FBXW11: variants seen among roughly 807,000 people sequenced by gnomAD.
The protein encoded by FBXW11 is F-box and WD repeat domain containing 11.
FBXW11 carries 19 observed loss-of-function variants against 77.6 expected under a neutral mutation model. The ratio of observed to expected loss-of-function variants is 0.24; its 90% CI spans 0.17 to 0.36. The LOEUF is 0.36. FBXW11 is among the 10% of genes least tolerant of loss of function. FBXW11 has a pLI of 1.00. For missense variants in FBXW11, 334 were observed against 704.2 expected (o/e 0.47, Z 5.95); for synonymous variants, 235 against 249.4 (o/e 0.94, Z 0.54).
intron 1 of FBXW11, among the ~76,000 whole-genome samples, chr5:171,985,005 A>T (rs540498908): frequency 1.5e-4 from 23 of 152,354 alleles, no homozygotes; most frequent in African/African-American, 5.5e-4. Flanking sequence ...TTTCAGAAAC[A>T]GGACTCTCTT....
intron 1 of FBXW11, chr5:171,977,605 T>C (rs1171638912): frequency 2.2e-6 from 1 of 451,200 alleles, no homozygotes; most frequent in African/African-American, 2.0e-5. Flanking sequence ...ACTGGGCAAG[T>C]TACAAAAGAA....
chr5:171,934,959 GTTTT>G, intron 2 of FBXW11, among the ~76,000 whole-genome samples: 1 of 151,704 alleles, frequency 6.6e-6, no homozygotes, highest in African/African-American at 2.4e-5. Context: ...TTTTTTGTTT[GTTTT>G]TTGTTTTGTT....
chr5:171,933,430 G>A (rs1762319541), intron 2 of FBXW11, among the ~76,000 whole-genome samples: 1 of 152,194 alleles, frequency 6.6e-6, no homozygotes, highest in Non-Finnish European at 1.5e-5. Context: ...ATGGAAACAT[G>A]TTATTATATC....
At chr5:171,977,194 G>A (rs1178486539) in intron 1 of FBXW11, among the ~76,000 whole-genome samples, 1 of 151,560 alleles carries the variant, frequency 6.6e-6, no homozygotes, top group African/African-American at 2.4e-5. Context: ...TTAAAAATTA[G>A]TCGGGTATGG....
intron 7 of FBXW11, among the ~76,000 whole-genome samples, chr5:171,886,595 T>C (rs951974832): frequency 7.3e-5 from 11 of 151,462 alleles, no homozygotes; most frequent in Non-Finnish European, 1.6e-4. Context: ...AATAAATAAA[T>C]AATAAAATAA....
intron 1 of FBXW11, among the ~76,000 whole-genome samples, chr5:171,999,851 G>A (rs961671639): frequency 9.3e-5 from 14 of 151,030 alleles, no homozygotes; most frequent in African/African-American, 3.2e-4. Flanking sequence ...TCCTATTAAT[G>A]TCCCAGTGTT....
chr5:171,974,809 C>G (rs912604437), intron 1 of FBXW11, among the ~76,000 whole-genome samples: 4 of 152,052 alleles, frequency 2.6e-5, no homozygotes, highest in Middle Eastern at 3.4e-3. Flanking sequence ...ACTATGTGAC[C>G]TCTTTTGAGA....
At chr5:171,915,636 T>TGTGTGTGTGC (rs1278803212) in intron 2 of FBXW11, among the ~76,000 whole-genome samples, 74 of 151,794 alleles carry the variant, frequency 4.9e-4, no homozygotes, top group Non-Finnish European at 9.9e-4. Context: ...TGTGTGTGTG[T>TGTGTGTGTGC]GTGTGTGTGT....
intron 4 of FBXW11, among the ~76,000 whole-genome samples, chr5:171,901,428 T>C (rs969317686): frequency 2.0e-5 from 3 of 152,166 alleles, no homozygotes; most frequent in Admixed American, 6.6e-5. Flanking sequence ...GCATGAAAAA[T>C]GCTTTACAAA....
chr5:171,939,918 T>C (rs1762663559), intron 2 of FBXW11, among the ~76,000 whole-genome samples: 2 of 152,154 alleles, frequency 1.3e-5, no homozygotes, highest in Admixed American at 6.5e-5. Flanking sequence ...AGTATTTGCA[T>C]GTAACCTAAG....
At chr5:171,938,762 T>A (rs998099663) in intron 2 of FBXW11, among the ~76,000 whole-genome samples, 1 of 152,140 alleles carries the variant, frequency 6.6e-6, no homozygotes, top group African/African-American at 2.4e-5. Context: ...TACATGCTCA[T>A]ACGAAAGACA....
intron 2 of FBXW11, among the ~76,000 whole-genome samples, chr5:171,951,962 T>C (rs1264631228): frequency 6.6e-6 from 1 of 152,180 alleles, no homozygotes; most frequent in Non-Finnish European, 1.5e-5. Flanking sequence ...TTCTCTTATT[T>C]TTGTGTGTTT....
At chr5:171,984,501 T>C (rs1765327536) in intron 1 of FBXW11, among the ~76,000 whole-genome samples, 1 of 152,184 alleles carries the variant, frequency 6.6e-6, no homozygotes, top group Non-Finnish European at 1.5e-5. Flanking sequence ...TAATACTAAA[T>C]ATCCAGAATA....
chr5:171,997,594 CAT>C (rs1766137096), intron 1 of FBXW11, among the ~76,000 whole-genome samples: 1 of 152,182 alleles, frequency 6.6e-6, no homozygotes, highest in African/African-American at 2.4e-5. Flanking sequence ...TGCTTCAAAA[CAT>C]ATAACTGAAG....
Position 171,870,981 on chromosome 5 carries a change from T to C in FBXW11, c.1341-123A>G, listed in dbSNP as rs1206311880. On this transcript the variant is annotated intron_variant, in intron 10 of 13. Transcript: ENST00000517395. ...ACTATCTTGGAGCTCTTTATTTCTATCTCACTTCCAGTACACACCACACAT... is the reference window on the plus strand; with the variant it reads ...ACTATCTTGGAGCTCTTTATTTCTACCTCACTTCCAGTACACACCACACAT... The C allele has an allele frequency of 6.2e-6, 4 of 643,530 alleles. No homozygotes were observed. In the East Asian group the frequency reaches 1.1e-4, roughly 17 times the overall value. 39.9% of individuals were successfully genotyped at this position (643,530 alleles called of 1,614,324 possible).
chr5:171,968,715 T>C (rs867229815), intron 1 of FBXW11, among the ~76,000 whole-genome samples: 1 of 152,126 alleles, frequency 6.6e-6, no homozygotes, highest in Non-Finnish European at 1.5e-5. Context: ...AGACATCTGC[T>C]CTCATTTATA....
chr5:171,968,399 A>G (rs1004821406), intron 1 of FBXW11, among the ~76,000 whole-genome samples: 1 of 150,890 alleles, frequency 6.6e-6, no homozygotes, highest in South Asian at 2.1e-4. Flanking sequence ...CGGAGCTTGC[A>G]GTGAGCGGAG....
At chr5:171,946,101 G>T (rs1039354085) in intron 2 of FBXW11, among the ~76,000 whole-genome samples, 2 of 152,162 alleles carry the variant, frequency 1.3e-5, no homozygotes, top group African/African-American at 4.8e-5. Context: ...AGGCCTAAGA[G>T]AAAAGACTGG....
intron 1 of FBXW11, among the ~76,000 whole-genome samples, chr5:171,959,577 G>A (rs1763787881): frequency 6.6e-6 from 1 of 152,028 alleles, no homozygotes; most frequent in Non-Finnish European, 1.5e-5. Context: ...ACCAGGAATG[G>A]TGGCTCACAC....
Sources: gnomAD v4.1 joint callset for allele counts (sites outside exome capture counted in the v4.1 genomes callset) on GRCh38, gnomAD v4.1.1 for gene constraint, MANE v1.5 for transcripts, NCBI Gene and HGNC (gene_info 2026-07-23, HGNC 2026-07-21) for gene names.